Variants in SCML4 observed in about 807,000 individuals in gnomAD.
SCML4 encodes the protein Scm polycomb group protein like 4, also known as sex comb on midleg-like protein 4.
SCML4 carries 34 observed loss-of-function variants against 41.1 expected under a neutral mutation model. That is an observed-to-expected ratio of 0.83 (90% CI 0.63 to 1.10). The LOEUF is 1.10. SCML4 is among the 50% of genes least tolerant of loss of function. The pLI is 0.00. For missense variants in SCML4, 522 were observed against 534.1 expected (o/e 0.98, Z 0.22); for synonymous variants, 214 against 220.9 (o/e 0.97, Z 0.28).
In SCML4 at chr6:107,746,899, CAG is replaced by C; in HGVS notation, c.287-12_287-11del. The C allele has an allele frequency of 1.2e-6, 2 of 1,606,940 alleles. No homozygotes were observed. Among genetic ancestry groups the C allele is most frequent in the Non-Finnish European group, 1.7e-6 (2 of 1,175,480 alleles). ...TTGATGTAGAGGCAGACTGCGGAGA[CAG>C]AGGTCACAAAGCCCTCGGCATCAGG... On this transcript the variant is annotated splice_polypyrimidine_tract_variant and intron_variant, in intron 3 of 7. Coordinates refer to ENST00000369020, the MANE Select transcript of SCML4 (RefSeq NM_198081.5).
intron 1 of SCML4, among the ~76,000 whole-genome samples, chr6:107,792,506 C>T (rs1357646778): frequency 6.6e-6 from 1 of 151,986 alleles, no homozygotes; most frequent in African/African-American, 2.4e-5. Context: ...CCGAGGCAGG[C>T]GGATCACCAG....
intron 5 of SCML4, among the ~76,000 whole-genome samples, chr6:107,730,711 A>G (rs1466927590): frequency 1.3e-5 from 2 of 152,228 alleles, no homozygotes; most frequent in Non-Finnish European, 2.9e-5. Context: ...CTTTCAGGAC[A>G]GACTGATGGT....
chr6:107,827,738 G>A (rs554911122), upstream of SCML4, among the ~76,000 whole-genome samples: 3 of 152,270 alleles, frequency 2.0e-5, no homozygotes, highest in East Asian at 3.9e-4. Flanking sequence ...CTCTCCACAC[G>A]AGTGCTACTG....
chr6:107,757,387 C>T (rs1376753102), intron 2 of SCML4, among the ~76,000 whole-genome samples: 1 of 152,136 alleles, frequency 6.6e-6, no homozygotes, highest in Non-Finnish European at 1.5e-5. Flanking sequence ...GCCAACTAAA[C>T]ATTGTTTGAC....
intron 5 of SCML4, among the ~76,000 whole-genome samples, chr6:107,738,322 A>C (rs958490029): frequency 4.6e-5 from 7 of 152,026 alleles, no homozygotes; most frequent in African/African-American, 1.7e-4. Flanking sequence ...GGAAGCCTGA[A>C]GGCTGATTTT....
chr6:107,820,599 C>T (rs892433636), intron 1 of SCML4, among the ~76,000 whole-genome samples: 3 of 152,194 alleles, frequency 2.0e-5, no homozygotes, highest in African/African-American at 7.2e-5. Context: ...ATTTGACAAA[C>T]CACGGGTGAG....
At chr6:107,819,142 G>A (rs905043839) in intron 1 of SCML4, among the ~76,000 whole-genome samples, 4 of 108,756 alleles carry the variant, frequency 3.7e-5, no homozygotes, top group Admixed American at 9.5e-5. Context: ...TCTAGTGCTC[G>A]GTTGGAAGGG....
At chr6:107,722,721 A>G (rs1378544152) in intron 5 of SCML4, among the ~76,000 whole-genome samples, 2 of 152,220 alleles carry the variant, frequency 1.3e-5, no homozygotes, top group Admixed American at 1.3e-4. Context: ...AAGCTAGCAG[A>G]TCTTCTCATA....
intron 6 of SCML4, among the ~76,000 whole-genome samples, chr6:107,716,691 T>C (rs1209614758): frequency 6.6e-6 from 1 of 152,202 alleles, no homozygotes; most frequent in Admixed American, 6.5e-5. Context: ...CTGATCAGAC[T>C]TCCCATTGCC....
rs1393246774 is a variant in SCML4, at chr6:107,824,141, C to T, written c.-75G>A. 1 of 152,202 alleles carries T rather than the reference C, an allele frequency of 6.6e-6. No individual in the cohort carries two copies. 9.4% of individuals were successfully genotyped at this position (152,202 alleles called of 1,614,324 possible). A position where few individuals can be genotyped will look rare whatever the true frequency, so the allele number is the denominator to read the frequency against. On this transcript the variant is annotated 5_prime_UTR_variant, in exon 1 of 8. Coordinates refer to ENST00000369020, the MANE Select transcript of SCML4 (RefSeq NM_198081.5). ...TCTCCCTTACCTACAGCTTGTTCAC[C>T]AGAGCCCTGAGCAGGTTGTTTACCA...
the SCML4 span, among the ~76,000 whole-genome samples, chr6:107,830,977 G>A: frequency 1.3e-5 from 2 of 152,170 alleles, no homozygotes; most frequent in Admixed American, 6.5e-5. Context: ...TCTGCCTGGA[G>A]TACTGAGAAG....
chr6:107,771,473 C>A (rs1780512744), intron 2 of SCML4, among the ~76,000 whole-genome samples: 1 of 152,160 alleles, frequency 6.6e-6, no homozygotes, highest in South Asian at 2.1e-4. Flanking sequence ...AGAGAAGCAG[C>A]CCTCCCTTGA....
intron 4 of SCML4, 89 bp from the exon 5 acceptor site, chr6:107,745,232 A>T: frequency 1.0e-6 from 1 of 998,300 alleles, no homozygotes. Context: ...TCGTTTGTTC[A>T]TTTTTGTTTT....
At position 107,707,863 on chromosome 6, in the gene SCML4, T is replaced by C. The variant is rs569078213; in HGVS notation, c.1119+3A>G. 2.6e-6 allele frequency: 4 copies of C among 1,551,716 alleles called. No homozygotes were observed. In the South Asian group the frequency reaches 3.6e-5, roughly 14 times the overall value. ...CCCAAGGTCAAACCCACCACTCGCA[T>C]ACGTGCTTTCTGAAGAGCTCCACGT... On this transcript the variant is annotated splice_donor_region_variant and intron_variant, in intron 7 of 7. Coordinates refer to ENST00000369020, the MANE Select transcript of SCML4 (RefSeq NM_198081.5).
chr6:107,780,568 G>C (rs1417954870), intron 1 of SCML4, among the ~76,000 whole-genome samples: 1 of 151,824 alleles, frequency 6.6e-6, no homozygotes, highest in Non-Finnish European at 1.5e-5. Context: ...TTAGCCTAGC[G>C]TGGTGGCACA....
intron 5 of SCML4, among the ~76,000 whole-genome samples, chr6:107,739,802 A>G (rs769948843): frequency 2.6e-5 from 4 of 152,222 alleles, no homozygotes; most frequent in Admixed American, 6.5e-5. Context: ...TAAAGAGACA[A>G]TGTCTTACTC....
chr6:107,826,285 AAAAGAAAAG>A (rs1004804620), upstream of SCML4, among the ~76,000 whole-genome samples: 3 of 132,186 alleles, frequency 2.3e-5, no homozygotes, highest in Non-Finnish European at 4.5e-5. Context: ...AGAAGAAAAG[AAAAGAAAAG>A]AAAGAAAAGA....
intron 1 of SCML4, among the ~76,000 whole-genome samples, chr6:107,800,111 G>A (rs1024901749): frequency 8.6e-5 from 13 of 151,674 alleles, no homozygotes; most frequent in African/African-American, 2.2e-4. Context: ...TCAGCCTCCC[G>A]AGTAGTTGGA....
At chr6:107,768,509 C>T (rs561080571) in intron 2 of SCML4, among the ~76,000 whole-genome samples, 1 of 152,280 alleles carries the variant, frequency 6.6e-6, no homozygotes, top group East Asian at 1.9e-4. Context: ...GACAGAACAT[C>T]GTTTTCTCTT....
Sources: gnomAD v4.1 joint callset for allele counts (sites outside exome capture counted in the v4.1 genomes callset) on GRCh38, gnomAD v4.1.1 for gene constraint, MANE v1.5 for transcripts, NCBI Gene and HGNC (gene_info 2026-07-23, HGNC 2026-07-21) for gene names.